Variants in IGSF22 observed in about 807,000 individuals in gnomAD.
IGSF22 encodes the protein immunoglobulin superfamily, member 22.
A neutral mutation model predicts 127.0 loss-of-function variants in IGSF22; 119 were observed. The observed-to-expected ratio is 0.94, with a 90% confidence interval of 0.81 to 1.09. The LOEUF is 1.09. IGSF22 is among the 50% of genes least tolerant of loss of function. IGSF22 has a pLI of 0.00. For synonymous variants in IGSF22, 568 were observed against 664.7 expected (o/e 0.85, Z 2.24); for missense variants, 1,518 against 1,716.6 (o/e 0.88, Z 2.04).
In IGSF22 at chr11:18,715,444, C is replaced by T. The variant is rs371083785; in HGVS notation, c.1519G>A (p.Val507Ile). 2.0e-4 allele frequency: 315 copies of T among 1,610,398 alleles called. No individual in the cohort carries two copies. Among genetic ancestry groups the T allele is most frequent in the Non-Finnish European group, 2.5e-4 (297 of 1,178,618 alleles). The change falls in exon 11 of 23, where the codon GTC becomes ATC. Residue 507 changes from valine to isoleucine, a missense_variant. Transcript: ENST00000513874. Reference sequence around the variant, plus strand: ...GGGCGGGTGTTACCCTCCACAGTGACGATGGCAGTACTGTAGTATTCAGTA... The same window carrying T: ...GGGCGGGTGTTACCCTCCACAGTGATGATGGCAGTACTGTAGTATTCAGTA... The part of the protein sequence containing the change: ...DPTEYYSTAI[V>I]TVEERLATVK...
chr11:18,704,921 C>A, intron 22 of IGSF22: 1 of 235,550 alleles, frequency 4.2e-6, no homozygotes, highest in Non-Finnish European at 8.5e-6. Context: ...TGGATAGCAC[C>A]CACAGTGCCT....
At position 18,721,524 on chromosome 11, in the gene IGSF22, G is replaced by C. The variant is rs1483602195; in HGVS notation, c.378+11C>G. 5 of 1,614,150 alleles carry C rather than the reference G, an allele frequency of 3.1e-6. No homozygotes were observed. The African/African-American group carries it at 5.3e-5, about 17-fold the overall frequency. Reference sequence around the variant, plus strand: ...CTTCTCGGTAACTGGACTTGGGCTTGGCCCCCGCACCTTCAGCACGTGTTC... The same window carrying C: ...CTTCTCGGTAACTGGACTTGGGCTTCGCCCCCGCACCTTCAGCACGTGTTC... On this transcript the variant is annotated intron_variant, in intron 4 of 22. Transcript: ENST00000513874.
At chr11:18,710,955 T>C in intron 15 of IGSF22, 127 bp from the exon 16 acceptor site, 1 of 828,812 alleles carries the variant, frequency 1.2e-6, no homozygotes, top group Non-Finnish European at 1.9e-6. Context: ...CTTTTTCCTT[T>C]TTTAGAGACA....
chr11:18,714,244 GT>G (rs1382296655), intron 13 of IGSF22, 32 bp downstream of exon 13: 1 of 1,601,104 alleles, frequency 6.2e-7, no homozygotes, highest in African/African-American at 1.3e-5. Context: ...GCCAGGCATG[GT>G]TGAGCTTTGC....
chr11:18,722,406 G>A (rs1848590913), intron 2 of IGSF22, among the ~76,000 whole-genome samples: 1 of 151,966 alleles, frequency 6.6e-6, no homozygotes, highest in Admixed American at 6.6e-5. Flanking sequence ...GAGGGGCTAG[G>A]CCTGCTTCTG....
At position 18,713,845 on chromosome 11, in the gene IGSF22, C is replaced by A; in HGVS notation, c.2095+7G>T. 6.2e-7 allele frequency: 1 copy of A among 1,606,704 alleles called. No homozygotes were observed. Among genetic ancestry groups the A allele is most frequent in the Non-Finnish European group, 8.5e-7 (1 of 1,176,534 alleles). ...CTCAGCCCAGCCCGGACTGGCCCTG[C>A]CCTGACCCAGCACACTAAGGTGCAG... On this transcript the variant is annotated splice_region_variant and intron_variant, in intron 14 of 22. Coordinates refer to ENST00000513874, the MANE Select transcript of IGSF22 (RefSeq NM_173588.4).
rs949761939 is a variant in IGSF22, at chr11:18,712,130, C to A, written c.2350G>T (p.Val784Leu). The A allele has an allele frequency of 6.4e-7, 1 of 1,551,616 alleles. No homozygotes were observed. The highest frequency in any genetic ancestry group is 1.4e-5 in the African/African-American group (1 of 73,056). The change falls in exon 15 of 23, where the codon GTG becomes TTG. Residue 784 changes from valine (V) to leucine (L), a missense_variant. Around this residue, in one of 3 missense-constraint regions of IGSF22, gnomAD observed 1,456 missense variants for 1,644.9 expected, o/e 0.89. Transcript: ENST00000513874. ...TCTTCTGTCTCCAGTGGGTCACTCA[C>A]ACCTTCTGAATTGACTGCCAGGATA... ...FRILAVNSEGVSDPLETEEVF... is the reference protein window; with the variant it reads ...FRILAVNSEGLSDPLETEEVF...
rs1430715526 is a variant in IGSF22, at chr11:18,715,425, G to A, written c.1531+7C>T. The A allele has an allele frequency of 1.7e-5, 27 of 1,604,304 alleles. No individual in the cohort carries two copies. The highest frequency in any genetic ancestry group is 2.2e-5 in the Non-Finnish European group (26 of 1,176,360). On this transcript the variant is annotated splice_region_variant and intron_variant, in intron 11 of 22. Transcript: ENST00000513874. ...TGGTCAGTGGGGATTGATAGGGCGG[G>A]TGTTACCCTCCACAGTGACGATGGC...
At position 18,714,344 on chromosome 11, in the gene IGSF22, AG is replaced by A; in HGVS notation, c.1730del (p.Pro577LeufsTer43). Reference protein sequence around the residue: ...VHKLIFPSMGPEHEGKYTFRA... With the variant: ...VHKLIFPSMGXEHEGKYTFRA... ...GGAATGTGTACTTGCCCTCGTGCTC[AG>A]GGCCCATACTGGGAAAGATGAGCTT... On this transcript the variant is annotated frameshift_variant, in exon 13 of 23. Transcript: ENST00000513874. LOFTEE classifies it high-confidence loss of function. 1 of 1,614,210 alleles carries A rather than the reference AG, an allele frequency of 6.2e-7. No individual in the cohort carries two copies. The highest frequency in any genetic ancestry group is 8.5e-7 in the Non-Finnish European group (1 of 1,180,032).
chr11:18,718,762 A>T, intron 7 of IGSF22, 34 bp from the exon 8 acceptor site: 1 of 1,366,922 alleles, frequency 7.3e-7, no homozygotes, highest in Admixed American at 1.7e-5. Context: ...GACAAGTGTC[A>T]GTGGTACCCA....
intron 7 of IGSF22, among the ~76,000 whole-genome samples, chr11:18,719,309 GGTTTTTTTTT>G (rs1224087008): frequency 1.1e-5 from 1 of 90,554 alleles, no homozygotes; most frequent in Non-Finnish European, 2.3e-5. Context: ...CACACCCAGC[GGTTTTTTTTT>G]GTTTTTTTTT....
At chr11:18,724,886 C>T (rs1432609888) in intron 1 of IGSF22, among the ~76,000 whole-genome samples, 3 of 152,032 alleles carry the variant, frequency 2.0e-5, no homozygotes, top group Non-Finnish European at 4.4e-5. Context: ...GGACAGGCTC[C>T]CTCCCACTCC....
chr11:18,707,204 C>T lies in IGSF22; in HGVS notation c.3290G>A (p.Arg1097Gln), dbSNP rs1229845079. The T allele has an allele frequency of 7.9e-6, 12 of 1,526,870 alleles. No homozygotes were observed. Among genetic ancestry groups the T allele is most frequent in the African/African-American group, 4.1e-5 (3 of 72,666 alleles). 94.6% of individuals were successfully genotyped at this position (1,526,870 alleles called of 1,614,324 possible). A position where few individuals can be genotyped will look rare whatever the true frequency, so the allele number is the denominator to read the frequency against. Reference sequence around the variant, plus strand: ...AAACAACCGTAGGTTTGTGGGGGGCCGAGGGAAATCTGGAAGAGTTGGAAG... The same window carrying T: ...AAACAACCGTAGGTTTGTGGGGGGCTGAGGGAAATCTGGAAGAGTTGGAAG... ...DIHVRVADFP[R>Q]PPTNLRLFEE... The change falls in exon 21 of 23, where the codon CGG becomes CAG. Residue 1097 changes from arginine to glutamine, a missense_variant. Arg to Gln is a conservative substitution (Grantham distance 43). Transcript: ENST00000513874.
chr11:18,706,015 CA>C lies in IGSF22; in HGVS notation c.3711del (p.Asn1239ThrfsTer6). 1 of 1,551,680 alleles carries C rather than the reference CA, an allele frequency of 6.4e-7. No homozygotes were observed. The highest frequency in any genetic ancestry group is 8.7e-7 in the Non-Finnish European group (1 of 1,146,982). On this transcript the variant is annotated frameshift_variant, in exon 22 of 23. Transcript: ENST00000513874. LOFTEE classifies it high-confidence loss of function. ...AGGGTCACTGTGGGCCGCGGGTTCC[CA>C]AGGAAGGCGCAGGTCATGGTGCAGT... ...GQDCTMTCAFLGNPRPTVTLY... is the reference protein window; with the variant it reads ...GQDCTMTCAFXGNPRPTVTLY...
Position 18,707,810 on chromosome 11 carries a change from C to T in IGSF22, c.3274G>A (p.Val1092Met), listed in dbSNP as rs376384256. The T allele has an allele frequency of 1.7e-5, 27 of 1,583,632 alleles. No homozygotes were observed. In the African/African-American group the frequency reaches 1.9e-4, roughly 11 times the overall value. Reference protein sequence around the residue: ...GEARYDIHVRVADFPRPPTNL... With the variant: ...GEARYDIHVRMADFPRPPTNL... ...CTCTGCCTTCTCTCCATACCTGCCA[C>T]GCGCACATGGATGTCATAGCGTGCT... The change falls in exon 20 of 23, where the codon GTG becomes ATG. Residue 1092 changes from valine to methionine, a missense_variant. By Grantham distance (21) the Val-to-Met change is conservative. Transcript: ENST00000513874.
chr11:18,710,613 C>A lies in IGSF22; in HGVS notation c.2572+42G>T, dbSNP rs748098097. 19 of 1,591,854 alleles carry A rather than the reference C, an allele frequency of 1.2e-5. No homozygotes were observed. The East Asian group carries it at 4.3e-4, about 36-fold the overall frequency. ...TAGTTAATGGGTCCACTCAGCAAGA[C>A]CTCCTTTGGTCACTCCTGGGCCTCT... On this transcript the variant is annotated intron_variant, in intron 16 of 22. Transcript: ENST00000513874.
chr11:18,721,513 G>A, intron 4 of IGSF22, 22 bp downstream of exon 4: 1 of 1,614,100 alleles, frequency 6.2e-7, no homozygotes, highest in Non-Finnish European at 8.5e-7. Context: ...TCGGTAACTG[G>A]ACTTGGGCTT....
Position 18,706,348 on chromosome 11 carries a change from C to T in IGSF22, c.3581-202G>A, listed in dbSNP as rs545610052. 3.7e-3 allele frequency among the ~76,000 whole-genome samples: 567 copies of T among 151,706 alleles called. 6 individuals are homozygous for T. The highest frequency in any genetic ancestry group is 6.3e-3 in the Non-Finnish European group (430 of 67,820). ...CTCCCCCGACCCCCCAGCCCCGTCC[C>T]CAGCCACTCCAGGGTTCTGCCACCC... On this transcript the variant is annotated intron_variant, in intron 21 of 22. Transcript: ENST00000513874.
chr11:18,714,024 C>G lies in IGSF22; in HGVS notation c.1923G>C (p.Trp641Cys). ...FRGKPLPKVT[W>C]YKDGMEVTEE... The stretch of plus-strand genomic sequence containing the variant: ...CCGTCACTTCCATGCCATCCTTGTA[C>G]CATGTCACTTTGGGCAGTGGTTTTC... The change falls in exon 14 of 23, where the codon TGG (tryptophan) becomes TGC (cysteine). Residue 641 changes from tryptophan to cysteine, a missense_variant. By Grantham distance (215) the Trp-to-Cys change is radical (BLOSUM62 -2). Coordinates refer to ENST00000513874, the MANE Select transcript of IGSF22 (RefSeq NM_173588.4). The G allele has an allele frequency of 6.2e-7, 1 of 1,614,286 alleles. No individual in the cohort carries two copies. Among genetic ancestry groups the G allele is most frequent in the Non-Finnish European group, 8.5e-7 (1 of 1,180,048 alleles).
Sources: gnomAD v4.1 joint callset for allele counts (sites outside exome capture counted in the v4.1 genomes callset) on GRCh38, gnomAD v4.1.1 for gene constraint, gnomAD v4.1.1 regional missense constraint, MANE v1.5 for transcripts, NCBI Gene and HGNC (gene_info 2026-07-23, HGNC 2026-07-21) for gene names.